Variants in FMN1 observed in about 807,000 individuals in gnomAD.
FMN1 encodes the protein formin-1.
A neutral mutation model predicts 132.4 loss-of-function variants in FMN1; 110 were observed. That is an observed-to-expected ratio of 0.83 (90% CI 0.71 to 0.97). The LOEUF is 0.97. FMN1 is among the 50% of genes least tolerant of loss of function. FMN1 has a pLI of 0.00. For missense variants in FMN1, 1,792 were observed against 1,705.3 expected (o/e 1.05, Z -0.90); for synonymous variants, 722 against 651.7 (o/e 1.11, Z -1.64).
At chr15:33,094,560 G>C (rs913100944) in intron 4 of FMN1, among the ~76,000 whole-genome samples, 1 of 152,184 alleles carries the variant, frequency 6.6e-6, no homozygotes, top group African/African-American at 2.4e-5. Context: ...GTAAGTGGCT[G>C]ATCATCTCTG....
chr15:33,191,309 TAGGCATAGTTCGAATAAGATG>T (rs1966071852), intron 2 of FMN1, among the ~76,000 whole-genome samples: 1 of 152,192 alleles, frequency 6.6e-6, no homozygotes, highest in Non-Finnish European at 1.5e-5. Flanking sequence ...AAGGAAGAGA[TAGGCATAGTTCGAATAAGATG>T]GAACATAAAA....
In FMN1 at chr15:32,981,352, C is replaced by T. The variant is rs937641681; in HGVS notation, c.2224-11875G>A. On this transcript the variant is annotated intron_variant, in intron 7 of 20. Transcript: ENST00000616417. ...TAAAAATACGAAAAAAATTAGCCGG[C>T]GCGGTGGCAGGCACTTGTAGTCCCA... 4.0e-5 allele frequency among the ~76,000 whole-genome samples: 6 copies of T among 151,354 alleles called. No homozygotes were observed. The South Asian group carries it at 6.3e-4, about 16-fold the overall frequency.
At chr15:33,163,519 C>A (rs1424258110) in intron 3 of FMN1, among the ~76,000 whole-genome samples, 1 of 151,872 alleles carries the variant, frequency 6.6e-6, no homozygotes, top group Non-Finnish European at 1.5e-5. Flanking sequence ...GTCTTGAACT[C>A]CTGACCTCAG....
chr15:33,095,542 G>A (rs188991421), intron 4 of FMN1, among the ~76,000 whole-genome samples: 140 of 152,108 alleles, frequency 9.2e-4, no homozygotes, highest in Middle Eastern at 3.4e-3. Context: ...CAACAGGTGT[G>A]CACCACCACA....
rs566344192 is a variant in FMN1, at chr15:33,173,976, C to T, written c.-132+6222G>A. Among the ~76,000 whole-genome samples, 58 of 151,832 alleles carry T rather than the reference C, an allele frequency of 3.8e-4. 1 individual carries two copies. The highest frequency in any genetic ancestry group is 1.2e-3 in the African/African-American group (49 of 41,426). On this transcript the variant is annotated intron_variant, in intron 3 of 20. Transcript: ENST00000616417. ...AAAGAAAGAAACTTCAGGAAATAACCGAAGGAGCTTTTAAGAGGTCAATTA... is the reference window on the plus strand; with the variant it reads ...AAAGAAAGAAACTTCAGGAAATAACTGAAGGAGCTTTTAAGAGGTCAATTA...
At chr15:32,975,437 A>T (rs1176027697) in intron 7 of FMN1, among the ~76,000 whole-genome samples, 2 of 152,122 alleles carry the variant, frequency 1.3e-5, no homozygotes, top group Non-Finnish European at 2.9e-5. Context: ...ACTCCAAAAA[A>T]ATTTAAGGAG....
In FMN1 at chr15:33,154,318, G is replaced by A. The variant is rs746937791; in HGVS notation, c.597C>T (p.Ser199=). ...PLMGKDKICS[S]HSLPLSRTRP... is the part of the protein sequence containing the mutation. The stretch of plus-strand genomic sequence containing the variant: ...TTGTTCTAGAAAGAGGAAGGGAGTG[G>A]CTGGAACAGATCTTGTCCTTGCCCA... The change falls in exon 4 of 21, where the codon AGC becomes AGT. Residue 199 remains serine, a synonymous_variant. Transcript: ENST00000616417. 350 of 1,536,030 alleles carry A rather than the reference G, an allele frequency of 2.3e-4. 1 individual carries two copies. Among genetic ancestry groups the A allele is most frequent in the Non-Finnish European group, 2.9e-4 (336 of 1,146,926 alleles).
intron 5 of FMN1, among the ~76,000 whole-genome samples, chr15:33,069,783 C>T (rs909719105): frequency 3.3e-5 from 5 of 152,242 alleles, no homozygotes; most frequent in Admixed American, 6.5e-5. Context: ...TCTCTGTTTG[C>T]TCCTGATCAT....
At chr15:32,899,255 G>T (rs770744170) in intron 14 of FMN1, among the ~76,000 whole-genome samples, 1 of 152,162 alleles carries the variant, frequency 6.6e-6, no homozygotes, top group Non-Finnish European at 1.5e-5. Flanking sequence ...CACCCTCCCT[G>T]CCCGTCTTTC....
At chr15:33,101,123 G>A (rs1243554015) in intron 4 of FMN1, among the ~76,000 whole-genome samples, 1 of 152,046 alleles carries the variant, frequency 6.6e-6, no homozygotes, top group Non-Finnish European at 1.5e-5. Flanking sequence ...ATAAAAATAA[G>A]TAAAAAGGTA....
intron 16 of FMN1, among the ~76,000 whole-genome samples, chr15:32,878,840 CAACAA>C (rs776037342): frequency 3.2e-4 from 48 of 152,228 alleles, no homozygotes; most frequent in Non-Finnish European, 5.9e-4. Context: ...GAAAAAAACT[CAACAA>C]AACACATTCT....
rs533699379 is a variant in FMN1, at chr15:32,783,744, CAAAAAAAAAAAAAAAAAAAAAAAA to C, written c.4131-6849_4131-6826del. Reference sequence around the variant, plus strand: ...TGGGCGACAGAGCGAGACTCTGTTTCAAAAAAAAAAAAAAAAAAAAAAAAAAAAAAAAAAAAAAAATAGTTGAAG... The same window carrying C: ...TGGGCGACAGAGCGAGACTCTGTTTCAAAAAAAAAAAAAAAATAGTTGAAG... On this transcript the variant is annotated intron_variant, in intron 19 of 20. Coordinates refer to ENST00000616417, the MANE Select transcript of FMN1 (RefSeq NM_001277313.2). Among the ~76,000 whole-genome samples the C allele has an allele frequency of 4.0e-4, 26 of 64,250 alleles. 2 individuals are homozygous for C. Among genetic ancestry groups the C allele is most frequent in the African/African-American group, 1.4e-3 (24 of 17,408 alleles). 42.2% of individuals were successfully genotyped at this position (64,250 alleles called of 152,430 possible).
chr15:32,854,403 G>A (rs193063142), intron 17 of FMN1, among the ~76,000 whole-genome samples: 9 of 152,312 alleles, frequency 5.9e-5, no homozygotes, highest in Admixed American at 1.3e-4. Context: ...CTACCATACG[G>A]TATTGGGAAT....
intron 4 of FMN1, among the ~76,000 whole-genome samples, chr15:33,092,477 T>C (rs896686040): frequency 3.9e-5 from 6 of 152,268 alleles, no homozygotes; most frequent in South Asian, 2.1e-4. Flanking sequence ...AATGTGACAG[T>C]GTGCCAATTA....
chr15:32,823,366 G>A (rs985890429), intron 17 of FMN1, among the ~76,000 whole-genome samples: 6 of 151,684 alleles, frequency 4.0e-5, no homozygotes, highest in Non-Finnish European at 2.9e-5. Context: ...GGGTTTCACG[G>A]TGTTAGCCAG....
chr15:32,910,618 A>G, intron 10 of FMN1, 83 bp from the exon 11 acceptor site: 2 of 1,000,010 alleles, frequency 2.0e-6, no homozygotes, highest in Non-Finnish European at 3.1e-6. Context: ...CCAGCTTCCA[A>G]GCAATTAACA....
chr15:33,017,567 C>A (rs1387923345), intron 6 of FMN1, among the ~76,000 whole-genome samples: 2 of 152,000 alleles, frequency 1.3e-5, no homozygotes, highest in African/African-American at 2.4e-5. Context: ...ATTTCTATAT[C>A]AGAAAAATAA....
Position 33,153,454 on chromosome 15 carries a change from A to C in FMN1, c.1461T>G (p.Gly487=). 2 of 1,536,578 alleles carry C rather than the reference A, an allele frequency of 1.3e-6. No homozygotes were observed. The highest frequency in any genetic ancestry group is 8.7e-7 in the Non-Finnish European group (1 of 1,146,990). The part of the protein sequence containing the change: ...KVGPDSSQPR[G]DKKKPSPPAP... ...CTGGTGGGGATGGCTTCTTCTTATC[A>C]CCTCTGGGTTGTGAGGAGTCAGGAC... is the stretch of plus-strand genomic sequence containing the variant. Residue 487 remains glycine, a synonymous_variant, in exon 4 of 21, where the codon GGT becomes GGG. Transcript: ENST00000616417.
At chr15:33,016,451 G>C (rs767881158) in intron 6 of FMN1, among the ~76,000 whole-genome samples, 1 of 152,174 alleles carries the variant, frequency 6.6e-6, no homozygotes, top group Non-Finnish European at 1.5e-5. Flanking sequence ...TTCCCTTCCA[G>C]ATGCTTATAA....
Sources: allele counts gnomAD v4.1 joint callset (sites outside exome capture counted in the v4.1 genomes callset), GRCh38; gene constraint gnomAD v4.1.1; transcripts MANE v1.5; gene names NCBI Gene and HGNC (gene_info 2026-07-23, HGNC 2026-07-21).